Variants in SMIM31 observed in about 807,000 individuals in gnomAD.
SMIM31 encodes the protein small integral membrane protein 31, also known as human epithelial cell program regulator.
At chr4:164,796,748 A>G (rs1733202678) in intron 2 of SMIM31, among the ~76,000 whole-genome samples, 1 of 152,190 alleles carries the variant, frequency 6.6e-6, no homozygotes. Context: ...GCTTCAAAAT[A>G]CACCCAGAAT....
intron 1 of SMIM31, among the ~76,000 whole-genome samples, chr4:164,759,083 A>G (rs890067763): frequency 6.6e-6 from 1 of 151,798 alleles, no homozygotes; most frequent in Non-Finnish European, 1.5e-5. Flanking sequence ...GTATCCTTTT[A>G]TGTACATTGC....
chr4:164,774,207 T>C (rs1215114560), intron 2 of SMIM31, among the ~76,000 whole-genome samples: 2 of 151,114 alleles, frequency 1.3e-5, no homozygotes, highest in African/African-American at 2.4e-5. Flanking sequence ...ATGAAAAATA[T>C]TTATTACAAA....
chr4:164,795,592 C>T (rs1018166590), intron 2 of SMIM31, among the ~76,000 whole-genome samples: 140 of 142,286 alleles, frequency 9.8e-4, no homozygotes, highest in African/African-American at 3.5e-3. Flanking sequence ...AAAGAAGAAT[C>T]CTAATTTGTT....
At chr4:164,788,312 T>C (rs1190928522) in intron 2 of SMIM31, among the ~76,000 whole-genome samples, 4 of 152,050 alleles carry the variant, frequency 2.6e-5, no homozygotes, top group Non-Finnish European at 4.4e-5. Flanking sequence ...TGTCCTGTTG[T>C]CCTGTGTGGT....
chr4:164,799,261 C>T lies in SMIM31; in HGVS notation c.113-1830C>T, dbSNP rs189418447. Reference sequence around the variant, plus strand: ...CTAGCTGGGTATGGTGGCACATACCCGTAATCCCAGCTACTTAAGAGGCTG... The same window carrying T: ...CTAGCTGGGTATGGTGGCACATACCTGTAATCCCAGCTACTTAAGAGGCTG... On this transcript the variant is annotated intron_variant, in intron 2 of 2. Coordinates refer to ENST00000507311, the MANE Select transcript of SMIM31 (RefSeq NM_001352885.1). Among the ~76,000 whole-genome samples, 170 of 151,834 alleles carry T rather than the reference C, an allele frequency of 1.1e-3. 1 individual carries two copies. The highest frequency in any genetic ancestry group is 4.9e-3 in the East Asian group (25 of 5,134).
At chr4:164,792,919 A>G (rs1432455585) in intron 2 of SMIM31, among the ~76,000 whole-genome samples, 1 of 152,182 alleles carries the variant, frequency 6.6e-6, no homozygotes, top group Non-Finnish European at 1.5e-5. Flanking sequence ...ATAAAAACAG[A>G]AAAAAACATA....
chr4:164,783,647 T>A (rs1732990025), intron 2 of SMIM31, among the ~76,000 whole-genome samples: 1 of 151,780 alleles, frequency 6.6e-6, no homozygotes, highest in Admixed American at 6.6e-5. Context: ...CTGGGTGTAA[T>A]GGATCATGCC....
intron 2 of SMIM31, among the ~76,000 whole-genome samples, chr4:164,799,063 C>T (rs899956733): frequency 9.9e-5 from 15 of 152,110 alleles, no homozygotes; most frequent in African/African-American, 3.6e-4. Flanking sequence ...CCTGCAGAAG[C>T]ATGAGCTACT....
At chr4:164,762,825 G>A (rs1244079461) in intron 1 of SMIM31, among the ~76,000 whole-genome samples, 1 of 152,166 alleles carries the variant, frequency 6.6e-6, no homozygotes, top group Non-Finnish European at 1.5e-5. Context: ...CTACACAGTT[G>A]TGGGTGAGTT....
At chr4:164,777,579 G>A (rs185725268) in intron 2 of SMIM31, among the ~76,000 whole-genome samples, 30 of 152,264 alleles carry the variant, frequency 2.0e-4, no homozygotes, top group Non-Finnish European at 3.8e-4. Flanking sequence ...CTGGTGTAAT[G>A]ACCAGTAGGA....
intron 2 of SMIM31, among the ~76,000 whole-genome samples, chr4:164,794,866 A>G (rs971241053): frequency 2.6e-5 from 4 of 151,708 alleles, no homozygotes; most frequent in African/African-American, 9.7e-5. Flanking sequence ...TCTTATAGAG[A>G]TACACAGAGA....
chr4:164,786,890 ATTGT>A (rs1733032232), intron 2 of SMIM31, among the ~76,000 whole-genome samples: 1 of 152,218 alleles, frequency 6.6e-6, no homozygotes, highest in African/African-American at 2.4e-5. Flanking sequence ...TAATTAAAAA[ATTGT>A]TTGAGCTTAG....
At chr4:164,780,921 T>C (rs531049632) in intron 2 of SMIM31, among the ~76,000 whole-genome samples, 1 of 152,294 alleles carries the variant, frequency 6.6e-6, no homozygotes, top group East Asian at 1.9e-4. Flanking sequence ...AGCAGTCCTC[T>C]TATTTCTGCC....
chr4:164,771,653 A>G (rs911309989), intron 2 of SMIM31, among the ~76,000 whole-genome samples: 8 of 152,030 alleles, frequency 5.3e-5, no homozygotes, highest in Non-Finnish European at 1.2e-4. Flanking sequence ...TACAAAAAAA[A>G]AAAAAATTAG....
At chr4:164,788,478 CTTTTTTTTTTTTTTT>C (rs72177805) in intron 2 of SMIM31, among the ~76,000 whole-genome samples, 2 of 58,160 alleles carry the variant, frequency 3.4e-5, no homozygotes, top group Admixed American at 2.1e-4. Context: ...TCTAATTTTT[CTTTTTTTTTTTTTTT>C]TTTTTTTTTT....
At chr4:164,779,342 A>T (rs966561744) in intron 2 of SMIM31, among the ~76,000 whole-genome samples, 1 of 152,188 alleles carries the variant, frequency 6.6e-6, no homozygotes, top group Non-Finnish European at 1.5e-5. Flanking sequence ...CAAGGTTTCC[A>T]GTTAAATTGT....
At chr4:164,777,465 T>C (rs1732891958) in intron 2 of SMIM31, among the ~76,000 whole-genome samples, 1 of 152,222 alleles carries the variant, frequency 6.6e-6, no homozygotes, top group Non-Finnish European at 1.5e-5. Context: ...ACAGTCTCTT[T>C]ATATCTCTAG....
chr4:164,784,239 C>G (rs186270511), intron 2 of SMIM31, among the ~76,000 whole-genome samples: 1 of 152,168 alleles, frequency 6.6e-6, no homozygotes, highest in Non-Finnish European at 1.5e-5. Context: ...GGACAAAAGA[C>G]GTTCCAAGCT....
intron 2 of SMIM31, among the ~76,000 whole-genome samples, chr4:164,774,059 G>A (rs745682650): frequency 5.3e-5 from 8 of 151,878 alleles, no homozygotes; most frequent in South Asian, 2.1e-4. Flanking sequence ...CCAGCTACTC[G>A]GGAGGCTGAG....
Sources: allele counts gnomAD v4.1 joint callset (sites outside exome capture counted in the v4.1 genomes callset), GRCh38; gene constraint gnomAD v4.1.1; transcripts MANE v1.5; gene names NCBI Gene and HGNC (gene_info 2026-07-23, HGNC 2026-07-21).